OSBPL9: variants seen among roughly 807,000 people sequenced by gnomAD.
OSBPL9 encodes oxysterol binding protein like 9, also known as oxysterol-binding protein-related protein 9.
In OSBPL9, 40 loss-of-function variants were observed where a neutral mutation model predicts 106.6. The ratio of observed to expected loss-of-function variants is 0.38; its 90% confidence interval spans 0.29 to 0.49. The LOEUF (loss-of-function observed/expected upper bound fraction) is 0.49, where lower values mean the gene tolerates loss of function less well. Among genes scored for constraint, OSBPL9 ranks in the 20% least tolerant of loss-of-function variants. The probability of loss-of-function intolerance (pLI) is 0.97; values close to 1 mark genes in which losing one functional copy is unlikely to be tolerated. For missense variants in OSBPL9, 609 were observed against 887.2 expected, an observed-to-expected ratio of 0.69 and a Z score of 3.98; for synonymous variants, 269 against 295.4, an observed-to-expected ratio of 0.91 and a Z score of 0.92.
intron 12 of OSBPL9, among the ~76,000 whole-genome samples, chr1:51,769,050 G>A (rs1167123939): frequency 6.6e-6 from 1 of 152,126 alleles, no homozygotes; most frequent in Non-Finnish European, 1.5e-5. Context: ...GTTTTAACAA[G>A]GCTTTAGATT....
Position 51,739,634 on chromosome 1 carries a change from T to C in OSBPL9, c.319-5902T>C, listed in dbSNP as rs190242365. On this transcript the variant is annotated intron_variant, in intron 4 of 23. Transcript: ENST00000428468. ...GCTCAATTTTATGGATATTTTTTAA[T>C]TGATGATCTTCACTCCAAATGAATT... Among the ~76,000 whole-genome samples the C allele has an allele frequency of 2.6e-3, 398 of 152,168 alleles. 1 individual carries two copies. Among genetic ancestry groups the C allele is most frequent in the African/African-American group, 9.1e-3 (377 of 41,570 alleles).
intron 2 of OSBPL9, among the ~76,000 whole-genome samples, chr1:51,605,941 C>T (rs1235038717): frequency 6.6e-6 from 1 of 151,192 alleles, no homozygotes; most frequent in Non-Finnish European, 1.5e-5. Context: ...GATCAGGCCA[C>T]TGTACAGAGC....
chr1:51,580,954 A>AC (rs869053368), intron 1 of OSBPL9, among the ~76,000 whole-genome samples: 3 of 3,124 alleles, frequency 9.6e-4, no homozygotes, highest in Non-Finnish European at 6.0e-4. Flanking sequence ...ATATATATAT[A>AC]ACTTTTTTGA....
intron 1 of OSBPL9, among the ~76,000 whole-genome samples, chr1:51,630,758 T>C (rs903668508): frequency 5.9e-5 from 9 of 152,258 alleles, no homozygotes; most frequent in African/African-American, 2.2e-4. Context: ...GATAAACTTT[T>C]AATTTTTTTA....
At chr1:51,581,270 G>T (rs1478491866) in intron 1 of OSBPL9, among the ~76,000 whole-genome samples, 1 of 151,894 alleles carries the variant, frequency 6.6e-6, no homozygotes, top group Non-Finnish European at 1.5e-5. Flanking sequence ...CTCTTGGTTA[G>T]ATAGAGGTTA....
chr1:51,587,891 A>T (rs1214260822), intron 1 of OSBPL9, among the ~76,000 whole-genome samples: 1 of 152,188 alleles, frequency 6.6e-6, no homozygotes, highest in East Asian at 1.9e-4. Flanking sequence ...GAGTTGTCAA[A>T]TGGTCTTCCT....
intron 4 of OSBPL9, among the ~76,000 whole-genome samples, chr1:51,743,229 TA>T (rs2148992066): frequency 6.6e-6 from 1 of 152,292 alleles, no homozygotes; most frequent in South Asian, 2.1e-4. Context: ...ACACATTACC[TA>T]AAGAAAAATG....
intron 4 of OSBPL9, among the ~76,000 whole-genome samples, chr1:51,717,738 G>C (rs892801244): frequency 6.6e-6 from 1 of 151,674 alleles, no homozygotes; most frequent in Non-Finnish European, 1.5e-5. Flanking sequence ...TGGAGTAAAG[G>C]GAACCCACAT....
chr1:51,678,710 G>A (rs1010898439), intron 3 of OSBPL9, among the ~76,000 whole-genome samples: 4 of 152,130 alleles, frequency 2.6e-5, no homozygotes, highest in African/African-American at 9.7e-5. Context: ...TAAACCAGTT[G>A]TTGATGTTAT....
At chr1:51,627,102 C>T (rs1354764251) in intron 1 of OSBPL9, among the ~76,000 whole-genome samples, 1 of 152,086 alleles carries the variant, frequency 6.6e-6, no homozygotes, top group Non-Finnish European at 1.5e-5. Context: ...ACTCCCAGGC[C>T]AAGTGATCCT....
chr1:51,775,765 C>T (rs1228409688), intron 14 of OSBPL9, among the ~76,000 whole-genome samples: 1 of 152,006 alleles, frequency 6.6e-6, no homozygotes, highest in Non-Finnish European at 1.5e-5. Flanking sequence ...TGTGCGCCAC[C>T]ACACTCAGGT....
intron 3 of OSBPL9, chr1:51,707,707 G>A: frequency 5.2e-6 from 1 of 192,760 alleles, no homozygotes; most frequent in Non-Finnish European, 1.1e-5. Flanking sequence ...GCATTACTGA[G>A]GATCTCGAGG....
At chr1:51,647,715 GTAA>G (rs1303416820) in intron 1 of OSBPL9, among the ~76,000 whole-genome samples, 2 of 151,944 alleles carry the variant, frequency 1.3e-5, no homozygotes, top group East Asian at 1.9e-4. Flanking sequence ...TGTAAGATTG[GTAA>G]TAATGTTTTT....
rs984455548 is a variant in OSBPL9 at position 51,783,726 on chromosome 1, C to T, written c.1514-189C>T. Among the ~76,000 whole-genome samples, 9 of 152,192 alleles carry T rather than the reference C, an allele frequency of 5.9e-5. No homozygotes were observed. The East Asian group carries it at 7.7e-4, about 13-fold the overall frequency. On this transcript the variant is annotated intron_variant, in intron 17 of 23. Transcript: ENST00000428468. The stretch of plus-strand genomic sequence containing the variant: ...ATCATTTCAGGGATGATCCTGCCCA[C>T]GTGGCTCTGAATGAATGCTTGCATT...
At chr1:51,578,485 A>G (rs1278402946) in intron 1 of OSBPL9, among the ~76,000 whole-genome samples, 1 of 152,180 alleles carries the variant, frequency 6.6e-6, no homozygotes, top group Non-Finnish European at 1.5e-5. Context: ...ACATCATAAC[A>G]TCATGAAAGG....
intron 2 of OSBPL9, among the ~76,000 whole-genome samples, chr1:51,607,004 C>T (rs1346925790): frequency 1.3e-5 from 2 of 150,410 alleles, no homozygotes; most frequent in African/African-American, 2.4e-5. Flanking sequence ...GAGCCGAGAT[C>T]GCGCCACTGC....
rs1052931255 is a variant in OSBPL9 at position 51,693,224 on chromosome 1, A to T, written c.242-20779A>T. Reference sequence around the variant, plus strand: ...CCCTGTTTCTACAAAAAATAAAAAAAATTAGCCTGGCATGGCACTTAGCTG... The same window carrying T: ...CCCTGTTTCTACAAAAAATAAAAAATATTAGCCTGGCATGGCACTTAGCTG... On this transcript the variant is annotated intron_variant, in intron 3 of 23. Transcript: ENST00000428468. Among the ~76,000 whole-genome samples, 30 of 151,944 alleles carry T rather than the reference A, an allele frequency of 2.0e-4. 1 individual carries two copies. Among genetic ancestry groups the T allele is most frequent in the Non-Finnish European group, 2.8e-4 (19 of 67,976 alleles).
the OSBPL9 span, among the ~76,000 whole-genome samples, chr1:51,550,307 C>T: frequency 3.3e-5 from 5 of 152,250 alleles, no homozygotes; most frequent in African/African-American, 1.2e-4. Flanking sequence ...GACTAGCAAA[C>T]TTGCAAACAA....
chr1:51,727,944 AC>A (rs1663429116), intron 4 of OSBPL9, among the ~76,000 whole-genome samples: 1 of 152,238 alleles, frequency 6.6e-6, no homozygotes, highest in African/African-American at 2.4e-5. Flanking sequence ...GCAAGAACTG[AC>A]ATTGGCAGGG....
Sources: gnomAD v4.1 joint callset for allele counts (sites outside exome capture counted in the v4.1 genomes callset) on GRCh38, gnomAD v4.1.1 for gene constraint, MANE v1.5 for transcripts, NCBI Gene and HGNC (gene_info 2026-07-23, HGNC 2026-07-21) for gene names.